The following RIT2 variants were observed in gnomAD, a reference collection of about 807,000 sequenced individuals.
RIT2 encodes the protein GTP-binding protein Rit2.
Under a neutral mutation model 23.7 loss-of-function variants are expected in RIT2, and 24 were observed. The ratio of observed to expected loss-of-function variants is 1.01; its 90% CI spans 0.73 to 1.43. The LOEUF is 1.43. Ranked by LOEUF, RIT2 falls within the 40% of genes most tolerant of loss-of-function variation. The pLI is 0.00. For synonymous variants in RIT2, 107 were observed against 91.1 expected, an observed-to-expected ratio of 1.17 and a Z score of -0.99; for missense variants, 236 against 266.9, an observed-to-expected ratio of 0.88 and a Z score of 0.81.
chr18:42,762,453 T>A (rs1379259280), intron 4 of RIT2, among the ~76,000 whole-genome samples: 1 of 152,076 alleles, frequency 6.6e-6, no homozygotes, highest in Non-Finnish European at 1.5e-5. Context: ...AACAATGAAA[T>A]TTCGGTTGCA....
At chr18:43,031,307 C>T (rs1911849146) in intron 2 of RIT2, among the ~76,000 whole-genome samples, 1 of 151,198 alleles carries the variant, frequency 6.6e-6, no homozygotes, top group Admixed American at 6.6e-5. Flanking sequence ...ACAGATGAGA[C>T]CAAACCAAAA....
At chr18:42,823,854 G>A (rs1464201724) in intron 4 of RIT2, among the ~76,000 whole-genome samples, 1 of 152,076 alleles carries the variant, frequency 6.6e-6, no homozygotes, top group Non-Finnish European at 1.5e-5. Context: ...TGAGATTGAA[G>A]CTCATGCTCT....
At chr18:42,761,805 G>C (rs1452445041) in intron 4 of RIT2, among the ~76,000 whole-genome samples, 1 of 152,144 alleles carries the variant, frequency 6.6e-6, no homozygotes, top group Non-Finnish European at 1.5e-5. Context: ...AGCCTCTCCA[G>C]AAGCTGGGAT....
intron 2 of RIT2, among the ~76,000 whole-genome samples, chr18:43,032,942 G>A (rs1911891310): frequency 6.6e-6 from 1 of 152,002 alleles, no homozygotes; most frequent in Non-Finnish European, 1.5e-5. Flanking sequence ...GGTGGGGTGA[G>A]GATAAGATAT....
chr18:42,786,574 G>T (rs1389166759), intron 4 of RIT2, among the ~76,000 whole-genome samples: 1 of 152,034 alleles, frequency 6.6e-6, no homozygotes. Context: ...AGTTCACATA[G>T]TACAGTTTGG....
intron 4 of RIT2, among the ~76,000 whole-genome samples, chr18:42,851,493 A>T (rs1907052910): frequency 6.6e-6 from 1 of 152,220 alleles, no homozygotes; most frequent in Admixed American, 6.5e-5. Flanking sequence ...AGAAGCAGTC[A>T]TAGGCATAGA....
At chr18:42,799,998 G>A (rs918402720) in intron 4 of RIT2, among the ~76,000 whole-genome samples, 1 of 152,080 alleles carries the variant, frequency 6.6e-6, no homozygotes, top group Non-Finnish European at 1.5e-5. Context: ...CCTCCACGAA[G>A]CTATCGGCTC....
chr18:43,074,707 G>A (rs1273191749), intron 1 of RIT2, among the ~76,000 whole-genome samples: 3 of 152,162 alleles, frequency 2.0e-5, no homozygotes, highest in Non-Finnish European at 4.4e-5. Flanking sequence ...CATGGAATAC[G>A]ATGCAGCCAT....
chr18:42,747,254 G>A (rs764483777), intron 4 of RIT2, among the ~76,000 whole-genome samples: 1 of 151,902 alleles, frequency 6.6e-6, no homozygotes, highest in Admixed American at 6.6e-5. Flanking sequence ...TACCAACAGC[G>A]ACCAAGCTGA....
intron 4 of RIT2, among the ~76,000 whole-genome samples, chr18:42,800,870 C>T (rs566081052): frequency 3.3e-5 from 5 of 152,044 alleles, no homozygotes; most frequent in South Asian, 2.1e-4. Flanking sequence ...TATGTTTTCC[C>T]GTTAGTTTCC....
intron 1 of RIT2, among the ~76,000 whole-genome samples, chr18:43,073,214 T>C (rs1046166661): frequency 9.8e-5 from 15 of 152,308 alleles, no homozygotes; most frequent in Admixed American, 6.5e-5. Context: ...ATCATCTCAT[T>C]GGTTAGCATG....
At chr18:43,034,464 T>A (rs937930995) in intron 1 of RIT2, among the ~76,000 whole-genome samples, 4 of 152,190 alleles carry the variant, frequency 2.6e-5, no homozygotes, top group Non-Finnish European at 4.4e-5. Context: ...TCCAAACCTA[T>A]GATTTTGTAA....
intron 1 of RIT2, among the ~76,000 whole-genome samples, chr18:43,105,516 G>GGAAGGAA (rs1568083865): frequency 1.3e-5 from 2 of 151,080 alleles, no homozygotes; most frequent in East Asian, 1.9e-4. Flanking sequence ...GAGGGAGGGA[G>GGAAGGAA]GGAATGAGCA....
chr18:42,878,505 A>G (rs1449985305), intron 4 of RIT2, among the ~76,000 whole-genome samples: 1 of 151,898 alleles, frequency 6.6e-6, no homozygotes, highest in Non-Finnish European at 1.5e-5. Flanking sequence ...AAGAGATAGA[A>G]GAAAATTTGA....
At chr18:42,996,115 C>T (rs1195116627) in intron 2 of RIT2, among the ~76,000 whole-genome samples, 6 of 152,182 alleles carry the variant, frequency 3.9e-5, no homozygotes, top group Non-Finnish European at 5.9e-5. Flanking sequence ...TCTCTTATTC[C>T]GTTTAGTTTT....
At chr18:42,985,964 AAT>A (rs1280849936) in intron 2 of RIT2, among the ~76,000 whole-genome samples, 2 of 152,034 alleles carry the variant, frequency 1.3e-5, no homozygotes, top group African/African-American at 2.4e-5. Flanking sequence ...TGAGAATGAA[AAT>A]ATGAGTCATT....
At chr18:43,071,927 A>C (rs1912906490) in intron 1 of RIT2, among the ~76,000 whole-genome samples, 1 of 152,128 alleles carries the variant, frequency 6.6e-6, no homozygotes, top group African/African-American at 2.4e-5. Flanking sequence ...TATTATCAAA[A>C]GAATTATCAG....
At chr18:42,905,712 A>T (rs1908594563) in intron 4 of RIT2, among the ~76,000 whole-genome samples, 1 of 151,986 alleles carries the variant, frequency 6.6e-6, no homozygotes, top group Non-Finnish European at 1.5e-5. Flanking sequence ...ACCTCAGGTG[A>T]TCTGCCCACC....
chr18:42,932,756 A>G lies in RIT2; in HGVS notation c.235-8993T>C, dbSNP rs147201136. Among the ~76,000 whole-genome samples, 8 of 152,254 alleles carry G rather than the reference A, an allele frequency of 5.3e-5. No individual in the cohort carries two copies. The East Asian group carries it at 1.5e-3, about 29-fold the overall frequency. ...AAAATACTGCCAGCTCAGAAATTCC[A>G]GTTTTCTAATCCCTTCTACATCACA... On this transcript the variant is annotated intron_variant, in intron 3 of 4. Coordinates refer to ENST00000326695, the MANE Select transcript of RIT2 (RefSeq NM_002930.4).
Sources: allele counts gnomAD v4.1 joint callset (sites outside exome capture counted in the v4.1 genomes callset), GRCh38; gene constraint gnomAD v4.1.1; transcripts MANE v1.5; gene names NCBI Gene and HGNC (gene_info 2026-07-23, HGNC 2026-07-21).